Variants in KIF19 observed in about 807,000 individuals in gnomAD.
KIF19 encodes kinesin-like protein KIF19.
In KIF19, 98 loss-of-function variants were observed where a neutral mutation model predicts 106.6. The observed-to-expected ratio is 0.92, with a 90% CI of 0.78 to 1.09. The LOEUF (loss-of-function observed/expected upper bound fraction) is 1.09, where lower values mean the gene tolerates loss of function less well. Ranked by LOEUF, KIF19 falls within the 50% of genes least tolerant of loss-of-function variation. The pLI is 0.00. For synonymous variants in KIF19, 516 were observed against 584.2 expected (o/e 0.88, Z 1.68); for missense variants, 1,373 against 1,414.3 (o/e 0.97, Z 0.47).
Position 74,344,359 on chromosome 17 carries a change from T to C in KIF19, c.582+11T>C. 6.2e-7 allele frequency: 1 copy of C among 1,610,972 alleles called. No individual in the cohort carries two copies. ...ATCAATGCCAAGGAGGCGAGTTTTG[T>C]GTGGCCAGCCTGGAGCCGCTGAGAG... On this transcript the variant is annotated intron_variant, in intron 6 of 19. Coordinates refer to ENST00000389916, the MANE Select transcript of KIF19 (RefSeq NM_153209.4).
At chr17:74,352,778 G>T (rs779317594) in intron 14 of KIF19, 43 bp from the exon 15 acceptor site, 1 of 1,612,634 alleles carries the variant, frequency 6.2e-7, no homozygotes, top group African/African-American at 1.3e-5. Context: ...TTTGGTCCAG[G>T]ACCAAATCTT....
intron 2 of KIF19, among the ~76,000 whole-genome samples, chr17:74,339,794 G>T (rs1184052921): frequency 3.3e-5 from 5 of 152,212 alleles, no homozygotes; most frequent in African/African-American, 1.2e-4. Context: ...CCTCTCAGGG[G>T]GCACCTCCGC....
intron 17 of KIF19, among the ~76,000 whole-genome samples, chr17:74,353,864 G>A (rs572924359): frequency 2.6e-5 from 4 of 152,036 alleles, no homozygotes; most frequent in African/African-American, 7.2e-5. Context: ...CGCCGCCTCC[G>A]CTCAGTAATC....
intron 2 of KIF19, among the ~76,000 whole-genome samples, chr17:74,340,629 A>G (rs929916467): frequency 2.0e-5 from 3 of 151,932 alleles, no homozygotes; most frequent in African/African-American, 4.8e-5. Flanking sequence ...TGGCCCACCC[A>G]TGGCCTGTCC....
At chr17:74,345,279 T>A (rs2144263506) in intron 7 of KIF19, among the ~76,000 whole-genome samples, 1 of 152,022 alleles carries the variant, frequency 6.6e-6, no homozygotes, top group Non-Finnish European at 1.5e-5. Context: ...TGGGGGTTTC[T>A]CCAGGGAAGG....
At position 74,331,574 on chromosome 17, in the gene KIF19, T is replaced by C. The variant is rs553521058; in HGVS notation, c.120+3069T>C. Among the ~76,000 whole-genome samples the C allele has an allele frequency of 6.7e-5, 9 of 133,924 alleles. No homozygotes were observed. In the East Asian group the frequency reaches 1.5e-3, roughly 22 times the overall value. 87.9% of individuals were successfully genotyped at this position (133,924 alleles called of 152,430 possible). ...ATTCTGGGGAAGCTGGAGTTCGGAT[T>C]TGGATTTTTTTTTTTTTCTTGTGAT... is the stretch of plus-strand genomic sequence containing the variant. On this transcript the variant is annotated intron_variant, in intron 2 of 19. Transcript: ENST00000389916. This position sits in a 1 kb window ranked among gnomAD's most constrained non-coding sequence, Gnocchi z 4.1.
At chr17:74,344,100 C>T (rs954163829) in intron 5 of KIF19, 123 bp from the exon 6 acceptor site, 1 of 930,802 alleles carries the variant, frequency 1.1e-6, no homozygotes, top group African/African-American at 1.7e-5. Context: ...TGAGAAGAGC[C>T]TGGGCTCAGG....
In KIF19 at chr17:74,355,392, A is replaced by C; in HGVS notation, c.*80A>C. 1 of 1,443,772 alleles carries C rather than the reference A, an allele frequency of 6.9e-7. No individual in the cohort carries two copies. Among genetic ancestry groups the C allele is most frequent in the Non-Finnish European group, 9.2e-7 (1 of 1,092,722 alleles). The allele number at this position is 1,443,772 out of a possible 1,614,324, so 89.4% of individuals were successfully genotyped here. A position where few individuals can be genotyped will look rare whatever the true frequency, so the allele number is the denominator to read the frequency against. ...AGGGCATGGGAGGTGGAGGCTGGGC[A>C]GATGGAGATGACCAGGAAGTAAGCT... On this transcript the variant is annotated 3_prime_UTR_variant, in exon 20 of 20. Coordinates refer to ENST00000389916, the MANE Select transcript of KIF19 (RefSeq NM_153209.4).
At chr17:74,330,890 G>T (rs2054058979) in intron 2 of KIF19, among the ~76,000 whole-genome samples, 1 of 152,166 alleles carries the variant, frequency 6.6e-6, no homozygotes, top group Non-Finnish European at 1.5e-5. Context: ...CAAACTCCCT[G>T]TGGGCTTCTG....
chr17:74,352,689 C>A, intron 14 of KIF19, 132 bp from the exon 15 acceptor site: 2 of 1,159,182 alleles, frequency 1.7e-6, no homozygotes, highest in Non-Finnish European at 1.3e-6. Context: ...GACCCAAACA[C>A]AAGCCCACTG....
At chr17:74,340,951 G>T (rs575970730) in intron 2 of KIF19, among the ~76,000 whole-genome samples, 1 of 152,284 alleles carries the variant, frequency 6.6e-6, no homozygotes, top group South Asian at 2.1e-4. Context: ...TGACGACCTG[G>T]GGGGTGTGAC....
At chr17:74,355,021 C>G in intron 19 of KIF19, 80 bp downstream of exon 19, 1 of 1,546,524 alleles carries the variant, frequency 6.5e-7, no homozygotes, top group Non-Finnish European at 8.8e-7. Context: ...GCATTTCCTG[C>G]GCCTCTGGCT....
chr17:74,341,926 G>T lies in KIF19; in HGVS notation c.171G>T (p.Ala57=), dbSNP rs765441199. The change falls in exon 3 of 20, where the codon GCG becomes GCT. Residue 57 remains alanine, a synonymous_variant. Coordinates refer to ENST00000389916, the MANE Select transcript of KIF19 (RefSeq NM_153209.4). ...PMEDPDDILR[A]HRSREKSYLF... is the part of the protein sequence containing the mutation. ...AGGATCCCGACGACATCCTGCGGGCGCATCGCTCCCGGGAGAAGTCCTACC... is the reference window on the plus strand; with the variant it reads ...AGGATCCCGACGACATCCTGCGGGCTCATCGCTCCCGGGAGAAGTCCTACC... 6 of 1,613,316 alleles carry T rather than the reference G, an allele frequency of 3.7e-6. No individual in the cohort carries two copies. In the African/African-American group the frequency reaches 6.7e-5, roughly 18 times the overall value.
At chr17:74,333,863 C>CTTTTTTTTTTTTTTTTTTTTTTTT (rs368776098) in intron 2 of KIF19, among the ~76,000 whole-genome samples, 2 of 132,620 alleles carry the variant, frequency 1.5e-5, no homozygotes, top group African/African-American at 2.8e-5. Context: ...CTTTTTTTTT[C>CTTTTTTTTTTTTTTTTTTTTTTTT]TTTTTTTTTT....
chr17:74,328,239 C>T (rs921129678), intron 1 of KIF19, among the ~76,000 whole-genome samples, 186 bp from the exon 2 acceptor site: 2 of 152,176 alleles, frequency 1.3e-5, no homozygotes, highest in African/African-American at 4.8e-5. Flanking sequence ...TGGGGAGACT[C>T]ATCAACTCAG....
chr17:74,345,214 G>T (rs2054503383), intron 7 of KIF19, among the ~76,000 whole-genome samples: 1 of 152,156 alleles, frequency 6.6e-6, no homozygotes, highest in African/African-American at 2.4e-5. Context: ...TGGGGGGAAT[G>T]GGGTAGGGCA....
rs529253230 is a variant in KIF19 at position 74,328,120 on chromosome 17, A to G, written c.40-305A>G. ...GAGGCTGCTCCAGTGCCAGGGCCCCAAGTTCAAGCCCAGGGGAGCTGCGAG... is the reference window on the plus strand; with the variant it reads ...GAGGCTGCTCCAGTGCCAGGGCCCCGAGTTCAAGCCCAGGGGAGCTGCGAG... On this transcript the variant is annotated intron_variant, in intron 1 of 19. Transcript: ENST00000389916. Among the ~76,000 whole-genome samples, 9 of 152,210 alleles carry G rather than the reference A, an allele frequency of 5.9e-5. 1 individual carries two copies. In the South Asian group the frequency reaches 1.9e-3, roughly 32 times the overall value.
Position 74,348,942 on chromosome 17 carries a change from G to A in KIF19, c.1048-242G>A, listed in dbSNP as rs554317340. 232 of 548,914 alleles carry A rather than the reference G, an allele frequency of 4.2e-4. 1 individual carries two copies. Among genetic ancestry groups the A allele is most frequent in the African/African-American group, 4.1e-3 (214 of 52,046 alleles). The allele number at this position is 548,914 out of a possible 1,614,324, so 34.0% of individuals were successfully genotyped here. A position where few individuals can be genotyped will look rare whatever the true frequency, so the allele number is the denominator to read the frequency against. ...GCCCAGAGAAAATCAGAGAGATGGG[G>A]GTGGCCCTTCAACAACGGGTGGAGG... is the stretch of plus-strand genomic sequence containing the variant. On this transcript the variant is annotated intron_variant, in intron 9 of 19. Coordinates refer to ENST00000389916, the MANE Select transcript of KIF19 (RefSeq NM_153209.4).
chr17:74,341,441 G>A (rs189085049), intron 2 of KIF19, among the ~76,000 whole-genome samples: 8 of 152,310 alleles, frequency 5.3e-5, no homozygotes, highest in Admixed American at 1.3e-4. Context: ...GGCAGCATGG[G>A]GGGTGTTGAA....
Sources: gnomAD v4.1 joint callset for allele counts (sites outside exome capture counted in the v4.1 genomes callset) on GRCh38, gnomAD v4.1.1 for gene constraint, Gnocchi (gnomAD v3.1) non-coding constraint, MANE v1.5 for transcripts, NCBI Gene and HGNC (gene_info 2026-07-23, HGNC 2026-07-21) for gene names.